Variants in SLC5A3 observed in about 807,000 individuals in gnomAD.
SLC5A3 encodes the protein solute carrier family 5 member 3, also known as sodium/myo-inositol cotransporter.
SLC5A3 carries 10 observed loss-of-function variants against 43.2 expected under a neutral mutation model. The observed-to-expected ratio is 0.23, with a 90% CI of 0.14 to 0.39. The LOEUF (loss-of-function observed/expected upper bound fraction) is 0.39. Among genes scored for constraint, SLC5A3 ranks in the 10% least tolerant of loss-of-function variants. The probability of loss-of-function intolerance (pLI) is 1.00; values close to 1 mark genes in which losing one functional copy is unlikely to be tolerated. For missense variants in SLC5A3, 608 were observed against 893.4 expected, an observed-to-expected ratio of 0.68 and a Z score of 4.07; for synonymous variants, 349 against 322.0, an observed-to-expected ratio of 1.08 and a Z score of -0.90.
chr21:34,103,170 A>T lies in SLC5A3; in HGVS notation c.*5815A>T, dbSNP rs1979323083. 7 of 1,000,088 alleles carry T rather than the reference A, an allele frequency of 7.0e-6. No individual in the cohort carries two copies. The highest frequency in any genetic ancestry group is 8.4e-6 in the Non-Finnish European group (7 of 829,870). 62.0% of individuals were successfully genotyped at this position (1,000,088 alleles called of 1,614,324 possible). ...AGGCCAGTATATATGGTATTCCATA[A>T]TATAACCAGCTTTTGAAATTTATGT... On this transcript the variant is annotated 3_prime_UTR_variant, in exon 2 of 2. Coordinates refer to ENST00000381151, the MANE Select transcript of SLC5A3 (RefSeq NM_006933.7).
chr21:34,094,080 TGAAAA>T (rs1253086264), intron 1 of SLC5A3, among the ~76,000 whole-genome samples: 3 of 152,254 alleles, frequency 2.0e-5, no homozygotes, highest in Admixed American at 6.5e-5. Context: ...TACTGCCTGA[TGAAAA>T]GGAAGAGAAG....
chr21:34,075,406 A>AT (rs952143575), intron 1 of SLC5A3, among the ~76,000 whole-genome samples: 18 of 151,406 alleles, frequency 1.2e-4, no homozygotes, highest in South Asian at 1.0e-3. Flanking sequence ...TTCTTTTACC[A>AT]TTTTTTTTTA....
intron 1 of SLC5A3, among the ~76,000 whole-genome samples, chr21:34,093,095 A>T (rs1978788624): frequency 6.6e-6 from 1 of 152,214 alleles, no homozygotes; most frequent in Non-Finnish European, 1.5e-5. Flanking sequence ...ATTTTATTAA[A>T]AATTTAGATG....
At chr21:34,074,368 C>T (rs994585956) in intron 1 of SLC5A3, among the ~76,000 whole-genome samples, 13 of 152,224 alleles carry the variant, frequency 8.5e-5, no homozygotes, top group Non-Finnish European at 1.6e-4. Flanking sequence ...CTGACTTCAG[C>T]GAAAATCCCG....
chr21:34,096,563 GT>G lies in SLC5A3; in HGVS notation c.1367del (p.Phe456SerfsTer30). ...DYLTPPVAAL[F>X]LLAIFWKRCN... The stretch of plus-strand genomic sequence containing the variant: ...ACCTGACACCCCCAGTGGCAGCCTT[GT>G]TCCTGCTGGCAATTTTCTGGAAGCG... On this transcript the variant is annotated frameshift_variant, in exon 2 of 2. Coordinates refer to ENST00000381151, the MANE Select transcript of SLC5A3 (RefSeq NM_006933.7). LOFTEE classifies it high-confidence loss of function. This position sits in a 1 kb window ranked among gnomAD's most constrained non-coding sequence, Gnocchi z 5.9. 1 of 1,614,034 alleles carries G rather than the reference GT, an allele frequency of 6.2e-7. No individual in the cohort carries two copies.
At position 34,099,987 on chromosome 21, in the gene SLC5A3, A is replaced by G. The variant is rs1040535767; in HGVS notation, c.*2632A>G. The stretch of plus-strand genomic sequence containing the variant: ...ATGATTGTTCCTGGAATGATCATAC[A>G]TGGACTGTCTTAAGCTAGCAAAATG... On this transcript the variant is annotated 3_prime_UTR_variant, in exon 2 of 2. Coordinates refer to ENST00000381151, the MANE Select transcript of SLC5A3 (RefSeq NM_006933.7). The G allele has an allele frequency of 2.3e-5, 13 of 561,826 alleles. No homozygotes were observed. The highest frequency in any genetic ancestry group is 1.6e-4 in the African/African-American group (8 of 48,790). The allele number at this position is 561,826 out of a possible 1,614,324, so 34.8% of individuals were successfully genotyped here. A position where few individuals can be genotyped will look rare whatever the true frequency, so the allele number is the denominator to read the frequency against.
chr21:34,088,520 G>C (rs927408593), intron 1 of SLC5A3, among the ~76,000 whole-genome samples: 3 of 152,182 alleles, frequency 2.0e-5, no homozygotes, highest in African/African-American at 7.2e-5. Flanking sequence ...GTTAACAGTT[G>C]TTACATATCC....
intron 1 of SLC5A3, among the ~76,000 whole-genome samples, chr21:34,091,262 GC>G (rs34874436): frequency 1 from 152,253 of 152,258 alleles, 76,124 homozygotes; most frequent in Middle Eastern, 1. Flanking sequence ...CTCTTTGCAG[GC>G]CCCGCCCTGT....
intron 1 of SLC5A3, among the ~76,000 whole-genome samples, chr21:34,077,218 C>T (rs530765864): frequency 1.3e-5 from 2 of 152,100 alleles, no homozygotes; most frequent in South Asian, 2.1e-4. Flanking sequence ...ACTGAAGTGC[C>T]AATACATGAA....
chr21:34,095,196 A>G lies in SLC5A3; in HGVS notation c.-3A>G. 1 of 1,581,894 alleles carries G rather than the reference A, an allele frequency of 6.3e-7. No homozygotes were observed. Among genetic ancestry groups the G allele is most frequent in the Middle Eastern group, 1.7e-4 (1 of 5,864 alleles). On this transcript the variant is annotated 5_prime_UTR_variant, in exon 2 of 2. Transcript: ENST00000381151. ...GGAGCGCTATTATTCACAAGTTACC[A>G]GAATGAGAGCTGTACTGGACACAGC...
rs1010500463 is a variant in SLC5A3, at chr21:34,105,054, A to T, written c.*7699A>T. ...AACAGATCAAGTCTTTTGCTCATAG[A>T]CTTTTCTGTGGGGTTATTAAAATGC... is the stretch of plus-strand genomic sequence containing the variant. On this transcript the variant is annotated 3_prime_UTR_variant, in exon 2 of 2. Transcript: ENST00000381151. 1.0e-6 allele frequency: 1 copy of T among 999,908 alleles called. No homozygotes were observed. Among genetic ancestry groups the T allele is most frequent in the Admixed American group, 6.2e-5 (1 of 16,236 alleles). The allele number at this position is 999,908 out of a possible 1,614,324, so 61.9% of individuals were successfully genotyped here.
At chr21:34,086,516 TTTG>T (rs1556003282) in intron 1 of SLC5A3, among the ~76,000 whole-genome samples, 2 of 76,862 alleles carry the variant, frequency 2.6e-5, no homozygotes, top group Non-Finnish European at 5.4e-5. Context: ...CTAGTTTGTG[TTTG>T]TGTGTGTGTG....
chr21:34,089,160 T>C (rs951590831), intron 1 of SLC5A3, among the ~76,000 whole-genome samples: 1 of 151,488 alleles, frequency 6.6e-6, no homozygotes, highest in Non-Finnish European at 1.5e-5. Flanking sequence ...CCTGAGTAGC[T>C]GGGATTACAG....
chr21:34,099,515 A>T lies in SLC5A3; in HGVS notation c.*2160A>T, dbSNP rs1028190131. ...AGAACTAAAATTTTCTTTGAACCACATTACTGTGTAATTCACTGATAATTG... is the reference window on the plus strand; with the variant it reads ...AGAACTAAAATTTTCTTTGAACCACTTTACTGTGTAATTCACTGATAATTG... On this transcript the variant is annotated 3_prime_UTR_variant, in exon 2 of 2. Coordinates refer to ENST00000381151, the MANE Select transcript of SLC5A3 (RefSeq NM_006933.7). The T allele has an allele frequency of 1.3e-5, 13 of 999,362 alleles. No individual in the cohort carries two copies. Among genetic ancestry groups the T allele is most frequent in the African/African-American group, 1.7e-5 (1 of 57,222 alleles). 61.9% of individuals were successfully genotyped at this position (999,362 alleles called of 1,614,324 possible). A position where few individuals can be genotyped will look rare whatever the true frequency, so the allele number is the denominator to read the frequency against.
In SLC5A3 at chr21:34,095,167, C is replaced by A; in HGVS notation, c.-32C>A. 7.1e-7 allele frequency: 1 copy of A among 1,408,072 alleles called. No homozygotes were observed. Among genetic ancestry groups the A allele is most frequent in the Non-Finnish European group, 9.2e-7 (1 of 1,087,864 alleles). The allele number at this position is 1,408,072 out of a possible 1,614,324, so 87.2% of individuals were successfully genotyped here. On this transcript the variant is annotated 5_prime_UTR_variant, in exon 2 of 2. Coordinates refer to ENST00000381151, the MANE Select transcript of SLC5A3 (RefSeq NM_006933.7). The stretch of plus-strand genomic sequence containing the variant: ...TAAATAAAAAGTTGGACACTTCTGT[C>A]ATTGGAGCGCTATTATTCACAAGTT...
chr21:34,075,174 A>T (rs1989297511), intron 1 of SLC5A3, among the ~76,000 whole-genome samples: 1 of 152,240 alleles, frequency 6.6e-6, no homozygotes, highest in Non-Finnish European at 1.5e-5. Flanking sequence ...TACGTGTTTT[A>T]GGGAATGTGG....
intron 1 of SLC5A3, among the ~76,000 whole-genome samples, chr21:34,085,424 C>T (rs138121634): frequency 5.7e-4 from 86 of 152,212 alleles, no homozygotes; most frequent in African/African-American, 2.0e-3. Flanking sequence ...CCCTATTTCC[C>T]TTTTGTATTA....
intron 1 of SLC5A3, among the ~76,000 whole-genome samples, chr21:34,088,581 A>T (rs1180589673): frequency 6.6e-6 from 1 of 152,226 alleles, no homozygotes; most frequent in African/African-American, 2.4e-5. Context: ...ATCTTTTATC[A>T]ATATCGTTAA....
intron 1 of SLC5A3, among the ~76,000 whole-genome samples, chr21:34,082,969 G>A (rs922389420): frequency 6.6e-6 from 1 of 151,944 alleles, no homozygotes; most frequent in Non-Finnish European, 1.5e-5. Context: ...GAAATTGCAA[G>A]TGAAAGCACA....
Sources: gnomAD v4.1 joint callset for allele counts (sites outside exome capture counted in the v4.1 genomes callset) on GRCh38, gnomAD v4.1.1 for gene constraint, Gnocchi (gnomAD v3.1) non-coding constraint, MANE v1.5 for transcripts, NCBI Gene and HGNC (gene_info 2026-07-23, HGNC 2026-07-21) for gene names.